Variants in SYT9 observed in about 807,000 individuals in gnomAD.
The protein encoded by SYT9 is synaptotagmin-9.
Under a neutral mutation model 48.4 loss-of-function variants are expected in SYT9, and 22 were observed. That is an observed-to-expected ratio of 0.45 (90% CI 0.32 to 0.65). The LOEUF (loss-of-function observed/expected upper bound fraction) is 0.65. Among genes scored for constraint, SYT9 ranks in the 30% least tolerant of loss-of-function variants. The probability of loss-of-function intolerance (pLI) is 0.03; values close to 1 mark genes in which losing one functional copy is unlikely to be tolerated. For missense variants in SYT9, 577 were observed against 622.0 expected, an observed-to-expected ratio of 0.93 and a Z score of 0.77; for synonymous variants, 265 against 245.0, an observed-to-expected ratio of 1.08 and a Z score of -0.76.
chr11:7,356,449 G>T (rs1850022352), intron 3 of SYT9, among the ~76,000 whole-genome samples: 1 of 152,152 alleles, frequency 6.6e-6, no homozygotes, highest in Admixed American at 6.5e-5. Flanking sequence ...TGCCCCTTCT[G>T]CTGGTTCTGT....
rs1361144073 is a variant in SYT9 at position 7,426,385 on chromosome 11, A to G, written c.1467+5750A>G. Among the ~76,000 whole-genome samples the G allele has an allele frequency of 5.3e-5, 8 of 152,118 alleles. No homozygotes were observed. The South Asian group carries it at 1.5e-3, about 28-fold the overall frequency. On this transcript the variant is annotated intron_variant, in intron 6 of 6. Coordinates refer to ENST00000318881, the MANE Select transcript of SYT9 (RefSeq NM_175733.4). ...TCCCTGTGGATCCCTGAGGGCAGGT[A>G]GCACCTCCCACTCAATGCTTGGCCT...
In SYT9 at chr11:7,270,098, ACTGT is replaced by A. The variant is rs550109280; in HGVS notation, c.145+17772_145+17775del. ...AATACATTAATTAGTAAGACATTTGACTGTCTGTGCCTTTTGGAGAGAGTGTATC... is the reference window on the plus strand; with the variant it reads ...AATACATTAATTAGTAAGACATTTGACTGTGCCTTTTGGAGAGAGTGTATC... On this transcript the variant is annotated intron_variant, in intron 1 of 6. Transcript: ENST00000318881. Among the ~76,000 whole-genome samples the A allele has an allele frequency of 3.5e-3, 536 of 152,312 alleles. 4 individuals carry two copies. Among genetic ancestry groups the A allele is most frequent in the African/African-American group, 0.012 (484 of 41,566 alleles).
At position 7,442,490 on chromosome 11, in the gene SYT9, G is replaced by A. The variant is rs546594481; in HGVS notation, c.1467+21855G>A. On this transcript the variant is annotated intron_variant, in intron 6 of 6. Coordinates refer to ENST00000318881, the MANE Select transcript of SYT9 (RefSeq NM_175733.4). ...ACAGGACTCGTGCTGCCAACACTGT[G>A]ACTCTAGACTATCTTGCTGGGAATC... Among the ~76,000 whole-genome samples, 21 of 152,306 alleles carry A rather than the reference G, an allele frequency of 1.4e-4. No homozygotes were observed. In the South Asian group the frequency reaches 4.1e-3, roughly 30 times the overall value.
intron 3 of SYT9, among the ~76,000 whole-genome samples, chr11:7,378,221 G>C (rs1218779978): frequency 6.6e-6 from 1 of 152,072 alleles, no homozygotes; most frequent in Non-Finnish European, 1.5e-5. Context: ...TCAGAAGGTG[G>C]GTGTGGGGGT....
Position 7,313,814 on chromosome 11 carries a change from C to T in SYT9, c.917C>T (p.Ser306Phe). The T allele has an allele frequency of 6.2e-7, 1 of 1,614,214 alleles. No individual in the cohort carries two copies. The highest frequency in any genetic ancestry group is 8.5e-7 in the Non-Finnish European group (1 of 1,180,026). The change falls in exon 3 of 7, where the codon TCT becomes TTT. Residue 306 changes from serine (S) to phenylalanine (F), a missense_variant. By Grantham distance (155) the Ser-to-Phe change is radical. Transcript: ENST00000318881. The stretch of plus-strand genomic sequence containing the variant: ...CTTGAAGCACGGAAGCTTCACTTCT[C>T]TGTGTACGACTTTGACAGGTTCTCT... ...NDLEARKLHF[S>F]VYDFDRFSRH...
At chr11:7,249,702 T>A (rs965454114), upstream of SYT9, among the ~76,000 whole-genome samples, 1 of 152,176 alleles carries the variant, frequency 6.6e-6, no homozygotes, top group Non-Finnish European at 1.5e-5. Flanking sequence ...AGCACTTAAA[T>A]ATATTGCTTT....
chr11:7,329,870 G>A (rs1209078535), intron 3 of SYT9, among the ~76,000 whole-genome samples: 2 of 152,084 alleles, frequency 1.3e-5, no homozygotes, highest in African/African-American at 4.8e-5. Flanking sequence ...CAAAAGGGAG[G>A]ACAGGGAAGA....
chr11:7,460,099 C>T (rs963194231), intron 6 of SYT9, among the ~76,000 whole-genome samples: 2 of 152,160 alleles, frequency 1.3e-5, no homozygotes, highest in Non-Finnish European at 2.9e-5. Context: ...GTACCTGCCT[C>T]AGAGGATTGT....
intron 3 of SYT9, among the ~76,000 whole-genome samples, chr11:7,383,871 A>C (rs921224603): frequency 3.3e-5 from 5 of 152,214 alleles, no homozygotes; most frequent in African/African-American, 1.2e-4. Context: ...TTTAAATACA[A>C]GTGAAGTCAT....
rs116028610 is a variant in SYT9 at position 7,424,809 on chromosome 11, C to T, written c.1467+4174C>T. On this transcript the variant is annotated intron_variant, in intron 6 of 6. Transcript: ENST00000318881. Reference sequence around the variant, plus strand: ...TCCAAGCTCAACCTTTGTGCATACACGTACATACAGCTACAAAAGTTCTGC... The same window carrying T: ...TCCAAGCTCAACCTTTGTGCATACATGTACATACAGCTACAAAAGTTCTGC... Among the ~76,000 whole-genome samples the T allele has an allele frequency of 3.4e-3, 525 of 152,320 alleles. 3 individuals carry two copies. The highest frequency in any genetic ancestry group is 0.012 in the African/African-American group (506 of 41,570).
chr11:7,279,207 A>T (rs1848449601), intron 1 of SYT9, among the ~76,000 whole-genome samples: 1 of 152,156 alleles, frequency 6.6e-6, no homozygotes, highest in African/African-American at 2.4e-5. Flanking sequence ...AATTTAGCAG[A>T]TGGTTTGAGA....
Position 7,384,715 on chromosome 11 carries a change from A to G in SYT9, c.1045-31327A>G, listed in dbSNP as rs74444620. Among the ~76,000 whole-genome samples, 644 of 152,224 alleles carry G rather than the reference A, an allele frequency of 4.2e-3. 5 individuals are homozygous for G. Among genetic ancestry groups the G allele is most frequent in the African/African-American group, 0.015 (613 of 41,542 alleles). On this transcript the variant is annotated intron_variant, in intron 3 of 6. Transcript: ENST00000318881. ...TGTGTTGTGCTACTTTTCTACTTCA[A>G]TCTTTGTAATGAATTCCATTCCCAC...
intron 1 of SYT9, among the ~76,000 whole-genome samples, chr11:7,295,624 A>C (rs1036431855): frequency 6.6e-6 from 1 of 152,208 alleles, no homozygotes; most frequent in Non-Finnish European, 1.5e-5. Context: ...ATGCACCTCA[A>C]AATTCTTCCA....
rs1431007691 is a variant in SYT9, at chr11:7,303,130, G to C, written c.237G>C (p.Trp79Cys). 2.5e-6 allele frequency: 4 copies of C among 1,614,126 alleles called. No individual in the cohort carries two copies. The highest frequency in any genetic ancestry group is 1.7e-6 in the Non-Finnish European group (2 of 1,180,024). Residue 79 changes from tryptophan to cysteine, a missense_variant, in exon 2 of 7, where the codon TGG becomes TGC. By Grantham distance (215) the Trp-to-Cys change is radical (BLOSUM62 -2). Coordinates refer to ENST00000318881, the MANE Select transcript of SYT9 (RefSeq NM_175733.4). The stretch of plus-strand genomic sequence containing the variant: ...TCTTCGTATCTTGGAAACTCTGCTG[G>C]GTTCCGTGGCGAGAACGAGGCCTGC... ...VSLFVSWKLCWVPWRERGLPS... is the reference protein window; with the variant it reads ...VSLFVSWKLCCVPWRERGLPS...
intron 1 of SYT9, among the ~76,000 whole-genome samples, chr11:7,239,106 A>G (rs937187544): frequency 5.9e-5 from 9 of 152,108 alleles, no homozygotes; most frequent in Non-Finnish European, 1.5e-5. Flanking sequence ...TTTTGTTTAA[A>G]CTATCTAGTG....
intron 1 of SYT9, among the ~76,000 whole-genome samples, chr11:7,302,727 T>G (rs149252592): frequency 2.0e-4 from 31 of 152,360 alleles, no homozygotes; most frequent in Non-Finnish European, 4.3e-4. Flanking sequence ...GAGTCTCATT[T>G]AACTTGAAGG....
intron 6 of SYT9, chr11:7,441,399 G>T (rs1223663581): frequency 6.6e-6 from 1 of 152,218 alleles, no homozygotes; most frequent in African/African-American, 2.4e-5. Flanking sequence ...AACTTCTCCA[G>T]TTGCTTTGCT....
rs34752256 is a variant in SYT9 at position 7,348,688 on chromosome 11, C to CTTTTTTTTTTTTTTT, written c.1044+34762_1044+34776dup. ...CCAGGTATCAGAGCCATCAGACCTC[C>CTTTTTTTTTTTTTTT]TTTTTTTTTTTTTTTTTTTTTTTTT... On this transcript the variant is annotated intron_variant, in intron 3 of 6. Transcript: ENST00000318881. 5.7e-3 allele frequency among the ~76,000 whole-genome samples: 267 copies of CTTTTTTTTTTTTTTT among 47,110 alleles called. 24 individuals carry two copies. Among genetic ancestry groups the CTTTTTTTTTTTTTTT allele is most frequent in the Non-Finnish European group, 8.4e-3 (215 of 25,574 alleles). The allele number at this position is 47,110 out of a possible 152,430, so 30.9% of individuals were successfully genotyped here.
At chr11:7,388,198 A>G (rs530381902) in intron 3 of SYT9, among the ~76,000 whole-genome samples, 1 of 152,298 alleles carries the variant, frequency 6.6e-6, no homozygotes, top group Admixed American at 6.5e-5. Flanking sequence ...AGACATTCAG[A>G]GTCAGTATTT....
Sources: gnomAD v4.1 joint callset for allele counts (sites outside exome capture counted in the v4.1 genomes callset) on GRCh38, gnomAD v4.1.1 for gene constraint, MANE v1.5 for transcripts, NCBI Gene and HGNC (gene_info 2026-07-23, HGNC 2026-07-21) for gene names.